ZZEF1: variants seen among roughly 807,000 people sequenced by gnomAD.
The protein encoded by ZZEF1 is zinc finger ZZ-type and EF-hand domain containing 1.
A neutral mutation model predicts 342.8 loss-of-function variants in ZZEF1; 157 were observed. The ratio of observed to expected loss-of-function variants is 0.46; its 90% CI spans 0.40 to 0.52. ZZEF1 has a LOEUF of 0.52. ZZEF1 is among the 20% of genes least tolerant of loss of function. ZZEF1 has a pLI of 0.00. For missense variants in ZZEF1, 3,480 were observed against 3,725.6 expected (o/e 0.93, Z 1.72); for synonymous variants, 1,505 against 1,429.1 (o/e 1.05, Z -1.20).
Position 4,109,686 on chromosome 17 carries a change from G to A in ZZEF1, c.1244C>T (p.Pro415Leu). ...GTGCAGCACTGTCTGGACAAAGGCG[G>A]GATTTGTCTCCATAGAAGCCGTCAC... ...SLVTASMETN[P>L]AFVQTVLHNT... is the part of the protein sequence containing the mutation. The change falls in exon 6 of 55, where the codon CCC (proline) becomes CTC (leucine). Residue 415 changes from proline (P) to leucine (L), a missense_variant. Pro to Leu is a moderately conservative substitution (Grantham distance 98). Around this residue, in one of 5 missense-constraint regions of ZZEF1, gnomAD observed 1,528 missense variants for 1,624.1 expected, o/e 0.94. Coordinates refer to ENST00000381638, the MANE Select transcript of ZZEF1 (RefSeq NM_015113.4). 1 of 1,614,112 alleles carries A rather than the reference G, an allele frequency of 6.2e-7. No homozygotes were observed. Among genetic ancestry groups the A allele is most frequent in the Non-Finnish European group, 8.5e-7 (1 of 1,180,004 alleles).
At position 4,058,146 on chromosome 17, in the gene ZZEF1, G is replaced by A. The variant is rs16953677; in HGVS notation, c.5013C>T (p.Leu1671=). 2,901 of 1,612,974 alleles carry A rather than the reference G, an allele frequency of 1.8e-3. 40 individuals carry two copies. In the African/African-American group the frequency reaches 0.028, roughly 16 times the overall value. ...GFSSLNDRSL[L]PALSCVQTAL... ...CTGTCTGAACACAGGATAAGGCAGG[G>A]AGCAAGGACCTAAAGGGCCATGAAA... is the stretch of plus-strand genomic sequence containing the variant. Residue 1671 remains leucine (L), a synonymous_variant, in exon 32 of 55, where the codon CTC becomes CTT. Transcript: ENST00000381638.
intron 16 of ZZEF1, among the ~76,000 whole-genome samples, chr17:4,085,380 G>C (rs1002618117): frequency 6.6e-6 from 1 of 152,062 alleles, no homozygotes; most frequent in Non-Finnish European, 1.5e-5. Flanking sequence ...ATAATACAAA[G>C]GTAAAATGTG....
chr17:4,084,691 G>C (rs1597867965), intron 16 of ZZEF1, among the ~76,000 whole-genome samples: 2 of 152,082 alleles, frequency 1.3e-5, no homozygotes. Context: ...CTGGATCTTT[G>C]TATAGAATAT....
chr17:4,081,355 A>G (rs2057720421), intron 18 of ZZEF1, 21 bp downstream of exon 18: 1 of 1,600,206 alleles, frequency 6.2e-7, no homozygotes, highest in East Asian at 2.2e-5. Context: ...CAAAGAAAAC[A>G]GGGAGGCAGC....
intron 37 of ZZEF1, among the ~76,000 whole-genome samples, chr17:4,047,221 C>T (rs1053002209): frequency 1.2e-4 from 18 of 152,210 alleles, no homozygotes; most frequent in African/African-American, 4.3e-4. Context: ...AGGCCTAAAA[C>T]AAGCCTGAAA....
Position 4,143,007 on chromosome 17 carries a change from G to C in ZZEF1, c.-112C>G, listed in dbSNP as rs1014902950. On this transcript the variant is annotated 5_prime_UTR_variant, in exon 1 of 55. Coordinates refer to ENST00000381638, the MANE Select transcript of ZZEF1 (RefSeq NM_015113.4). ...GCGGGGACGCGGAGGAGACGACGGC[G>C]GCCCCTGCGGCTTCCGGCTTCCTGG... is the stretch of plus-strand genomic sequence containing the variant. The C allele has an allele frequency of 1.6e-6, 2 of 1,268,316 alleles. No individual in the cohort carries two copies. The highest frequency in any genetic ancestry group is 2.0e-6 in the Non-Finnish European group (2 of 1,011,868). 78.6% of individuals were successfully genotyped at this position (1,268,316 alleles called of 1,614,324 possible).
At chr17:4,106,186 T>C (rs1280551624) in intron 6 of ZZEF1, among the ~76,000 whole-genome samples, 1 of 152,180 alleles carries the variant, frequency 6.6e-6, no homozygotes, top group African/African-American at 2.4e-5. Context: ...GACCTCGTGA[T>C]CCACCTACCT....
intron 17 of ZZEF1, 46 bp from the exon 18 acceptor site, chr17:4,081,536 A>C (rs775251352): frequency 6.2e-6 from 9 of 1,458,652 alleles, no homozygotes; most frequent in Non-Finnish European, 7.7e-6. Context: ...CAGGAGAAAG[A>C]TTTTTATACT....
Position 4,024,201 on chromosome 17 carries a change from T to G in ZZEF1, c.7092+718A>C, listed in dbSNP as rs923425856. 2.8e-5 allele frequency among the ~76,000 whole-genome samples: 4 copies of G among 142,220 alleles called. No individual in the cohort carries two copies. The South Asian group carries it at 9.3e-4, about 33-fold the overall frequency. 93.3% of individuals were successfully genotyped at this position (142,220 alleles called of 152,430 possible). ...TATTGCCCAGGTTTTTTTTTTTTTT[T>G]TTTTTTTTTTTTTACAGAGGGAGTC... On this transcript the variant is annotated intron_variant, in intron 43 of 54. Transcript: ENST00000381638.
Position 4,114,388 on chromosome 17 carries a change from G to A in ZZEF1, c.777C>T (p.Ser259=). The A allele has an allele frequency of 6.2e-7, 1 of 1,611,996 alleles. No homozygotes were observed. Among genetic ancestry groups the A allele is most frequent in the Non-Finnish European group, 8.5e-7 (1 of 1,179,120 alleles). The change falls in exon 4 of 55, where the codon TCC becomes TCT. Residue 259 remains serine (S), a synonymous_variant. Coordinates refer to ENST00000381638, the MANE Select transcript of ZZEF1 (RefSeq NM_015113.4). ...VAKCYAYIET[S]SNSADIDKMT... is the part of the protein sequence containing the mutation. The stretch of plus-strand genomic sequence containing the variant: ...TCTTGTCAATGTCTGCCGAGTTGGA[G>A]GATGTTTCTATATAAGCATAGCACT...
chr17:4,123,832 A>G, intron 2 of ZZEF1, 75 bp downstream of exon 2: 4 of 1,533,994 alleles, frequency 2.6e-6, no homozygotes, highest in Non-Finnish European at 3.5e-6. Flanking sequence ...TGTGGCCACA[A>G]TTTTGCCTAA....
intron 42 of ZZEF1, among the ~76,000 whole-genome samples, chr17:4,031,183 G>C (rs1242964074): frequency 6.6e-6 from 1 of 152,130 alleles, no homozygotes; most frequent in Non-Finnish European, 1.5e-5. Context: ...AAGTGTGGTG[G>C]TACGTGCCTG....
In ZZEF1 at chr17:4,049,705, T is replaced by C. The variant is rs1252882004; in HGVS notation, c.6015+3A>G. 1 of 1,613,906 alleles carries C rather than the reference T, an allele frequency of 6.2e-7. No homozygotes were observed. The highest frequency in any genetic ancestry group is 8.5e-7 in the Non-Finnish European group (1 of 1,179,984). ...TTCTGTGTAGTAAAGAATCGTCATTTACATTGCCTGCTTCTGACAGCTCAG... is the reference window on the plus strand; with the variant it reads ...TTCTGTGTAGTAAAGAATCGTCATTCACATTGCCTGCTTCTGACAGCTCAG... On this transcript the variant is annotated splice_donor_region_variant and intron_variant, in intron 37 of 54. Transcript: ENST00000381638.
chr17:4,041,978 G>GT (rs1283467229), intron 39 of ZZEF1, among the ~76,000 whole-genome samples: 1 of 152,024 alleles, frequency 6.6e-6, no homozygotes, highest in Non-Finnish European at 1.5e-5. Context: ...GCTAAAAACT[G>GT]TAAGCATAAT....
chr17:4,012,002 G>A (rs1215859691), intron 52 of ZZEF1, among the ~76,000 whole-genome samples: 1 of 152,234 alleles, frequency 6.6e-6, no homozygotes, highest in Non-Finnish European at 1.5e-5. Flanking sequence ...AGGGTGGCAA[G>A]GCATGCTGGG....
chr17:4,022,779 A>G lies in ZZEF1; in HGVS notation c.7142T>C (p.Leu2381Pro), dbSNP rs147240486. The part of the protein sequence containing the change: ...IRATFLQTDL[L>P]KLLVKKCSKG... ...GCTGCACTTTTTCACCAGCAACTTC[A>G]GCAAATCGGTCTGAAGGAAAGTAGC... The change falls in exon 44 of 55, where the codon CTG becomes CCG. Residue 2381 changes from leucine to proline, a missense_variant. Leu to Pro is a moderately conservative substitution (Grantham distance 98). Coordinates refer to ENST00000381638, the MANE Select transcript of ZZEF1 (RefSeq NM_015113.4). 5.0e-6 allele frequency: 8 copies of G among 1,613,758 alleles called. No homozygotes were observed. In the African/African-American group the frequency reaches 1.1e-4, roughly 22 times the overall value.
chr17:4,127,776 A>C (rs752391179), intron 1 of ZZEF1, among the ~76,000 whole-genome samples: 2 of 152,180 alleles, frequency 1.3e-5, no homozygotes, highest in Non-Finnish European at 2.9e-5. Context: ...GGTTTCCCAG[A>C]ATGCTGGCAG....
In ZZEF1 at chr17:4,142,710, C is replaced by G. The variant is rs761443139; in HGVS notation, c.186G>C (p.Ala62=). 1.3e-6 allele frequency: 2 copies of G among 1,594,732 alleles called. No individual in the cohort carries two copies. The highest frequency in any genetic ancestry group is 2.7e-5 in the African/African-American group (2 of 74,366). Residue 62 remains alanine, a synonymous_variant, in exon 1 of 55, where the codon GCG becomes GCC. Coordinates refer to ENST00000381638, the MANE Select transcript of ZZEF1 (RefSeq NM_015113.4). ...ACTCGCAGGGGGGTGTGGGCAGCAA[C>G]GCTGCAGCAGCCTCTCGCAGCCTGG... The part of the protein sequence containing the change: ...EPARLREAAA[A]LLPTPPCESL...
chr17:4,069,323 C>A (rs1479556809), intron 26 of ZZEF1, among the ~76,000 whole-genome samples: 1 of 152,186 alleles, frequency 6.6e-6, no homozygotes, highest in Non-Finnish European at 1.5e-5. Flanking sequence ...ACATCACCCC[C>A]TCGATTCCTC....
Sources: allele counts gnomAD v4.1 joint callset (sites outside exome capture counted in the v4.1 genomes callset), GRCh38; gene constraint gnomAD v4.1.1; regional missense constraint gnomAD v4.1.1; transcripts MANE v1.5; gene names NCBI Gene and HGNC (gene_info 2026-07-23, HGNC 2026-07-21).